The following RECK variants were observed in gnomAD, a reference collection of about 807,000 sequenced individuals.
RECK encodes reversion inducing cysteine rich protein with kazal motifs, also known as reversion-inducing cysteine-rich protein with Kazal motifs.
Under a neutral mutation model 115.1 loss-of-function variants are expected in RECK, and 69 were observed. That is an observed-to-expected ratio of 0.60 (90% confidence interval 0.49 to 0.73). RECK has a LOEUF of 0.73. RECK is among the 30% of genes least tolerant of loss of function. RECK has a pLI of 0.00. For synonymous variants in RECK, 414 were observed against 419.7 expected (o/e 0.99, Z 0.17); for missense variants, 1,047 against 1,203.7 (o/e 0.87, Z 1.93).
At chr9:36,070,633 T>C (rs1054623843) in intron 6 of RECK, among the ~76,000 whole-genome samples, 3 of 152,168 alleles carry the variant, frequency 2.0e-5, no homozygotes, top group Non-Finnish European at 4.4e-5. Context: ...GATAACTTCC[T>C]ATCACTGGAA....
At chr9:36,050,070 ATCT>A (rs1462458662) in intron 1 of RECK, among the ~76,000 whole-genome samples, 1 of 152,102 alleles carries the variant, frequency 6.6e-6, no homozygotes, top group East Asian at 1.9e-4. Flanking sequence ...CAGTTCTCAG[ATCT>A]TGTCCTTCCC....
chr9:36,071,349 T>C (rs1008045766), intron 6 of RECK, among the ~76,000 whole-genome samples: 31 of 152,216 alleles, frequency 2.0e-4, no homozygotes, highest in Non-Finnish European at 3.8e-4. Context: ...TCCCAGAGAC[T>C]GGCAATGGCT....
chr9:36,048,332 G>A (rs949083230), intron 1 of RECK, among the ~76,000 whole-genome samples: 4 of 151,544 alleles, frequency 2.6e-5, no homozygotes, highest in Admixed American at 1.3e-4. Flanking sequence ...GATGATTATC[G>A]CTATAGCCAA....
chr9:36,075,695 T>A (rs1822421766), intron 6 of RECK, among the ~76,000 whole-genome samples: 1 of 152,222 alleles, frequency 6.6e-6, no homozygotes, highest in African/African-American at 2.4e-5. Context: ...AACTTTAAAC[T>A]GGAAGAAATT....
intron 8 of RECK, among the ~76,000 whole-genome samples, chr9:36,087,253 A>C (rs1010718470): frequency 2.0e-5 from 3 of 152,222 alleles, no homozygotes; most frequent in African/African-American, 7.2e-5. Context: ...AATGCCCATC[A>C]GTGACAGACT....
At chr9:36,105,649 G>A (rs538548827) in intron 13 of RECK, among the ~76,000 whole-genome samples, 1 of 151,496 alleles carries the variant, frequency 6.6e-6, no homozygotes, top group South Asian at 2.1e-4. Context: ...TGTAATGTTT[G>A]AAAAAAAATA....
chr9:36,079,653 A>G (rs935168262), intron 6 of RECK, among the ~76,000 whole-genome samples: 35 of 152,316 alleles, frequency 2.3e-4, no homozygotes, highest in Non-Finnish European at 4.1e-4. Flanking sequence ...CCAGCTTGCA[A>G]TATGGCTGCA....
chr9:36,088,974 T>G (rs1313983920), intron 9 of RECK, among the ~76,000 whole-genome samples: 3 of 152,170 alleles, frequency 2.0e-5, no homozygotes, highest in Non-Finnish European at 4.4e-5. Flanking sequence ...TGAGCCGAGA[T>G]TGCGCCACTG....
chr9:36,081,276 T>C lies in RECK; in HGVS notation c.439+638T>C, dbSNP rs116559215. On this transcript the variant is annotated intron_variant, in intron 7 of 20. Coordinates refer to ENST00000377966, the MANE Select transcript of RECK (RefSeq NM_021111.3). The stretch of plus-strand genomic sequence containing the variant: ...TTCTTTAGCTCAGCAGGAAAGTATA[T>C]TGAAGGATAATAAGAAACATTTGCT... Among the ~76,000 whole-genome samples, 1,112 of 152,290 alleles carry C rather than the reference T, an allele frequency of 7.3e-3. 12 individuals are homozygous for C. The highest frequency in any genetic ancestry group is 0.024 in the African/African-American group (991 of 41,560).
At chr9:36,080,732 C>CA in intron 7 of RECK, 94 bp downstream of exon 7, 1 of 1,115,468 alleles carries the variant, frequency 9.0e-7, no homozygotes, top group Non-Finnish European at 1.3e-6. Flanking sequence ...AGGCTCTTTC[C>CA]CATGGTGTAT....
At chr9:36,063,218 C>A (rs111771431) in intron 4 of RECK, among the ~76,000 whole-genome samples, 3,871 of 152,206 alleles carry the variant, frequency 0.025, 171 homozygotes, top group African/African-American at 0.087. Flanking sequence ...TGCTGAACAT[C>A]AATTGAACCA....
At chr9:36,120,214 A>G (rs5023820) in intron 18 of RECK, among the ~76,000 whole-genome samples, 82,149 of 151,306 alleles carry the variant, frequency 0.54, 22,465 homozygotes, top group Middle Eastern at 0.67. Flanking sequence ...TAGCCTGGGC[A>G]ACAGAGCGAG....
At chr9:36,082,188 C>CTCTCTCTCT (rs1401784584) in intron 7 of RECK, among the ~76,000 whole-genome samples, 47 of 146,554 alleles carry the variant, frequency 3.2e-4, no homozygotes, top group South Asian at 6.6e-4. Context: ...CTCTCTCTCT[C>CTCTCTCTCT]CTTTTTTCTT....
rs542503883 is a variant in RECK at position 36,058,659 on chromosome 9, TAATA to T, written c.160-145_160-142del. 5.5e-3 allele frequency among the ~76,000 whole-genome samples: 801 copies of T among 144,728 alleles called. 13 individuals are homozygous for T. The highest frequency in any genetic ancestry group is 0.044 in the South Asian group (202 of 4,578). 94.9% of individuals were successfully genotyped at this position (144,728 alleles called of 152,430 possible). ...CTAAAACTTAAAGTATAATAATAAT[TAATA>T]AATAAATAAATAAATAAATAAAAAT... is the stretch of plus-strand genomic sequence containing the variant. On this transcript the variant is annotated intron_variant, in intron 2 of 20. Transcript: ENST00000377966.
intron 6 of RECK, among the ~76,000 whole-genome samples, chr9:36,080,213 C>T (rs776438800): frequency 6.6e-6 from 1 of 152,196 alleles, no homozygotes; most frequent in African/African-American, 2.4e-5. Flanking sequence ...AAAATCCTTT[C>T]AAATCTAAAA....
At chr9:36,071,108 A>G (rs571601341) in intron 6 of RECK, among the ~76,000 whole-genome samples, 1 of 152,318 alleles carries the variant, frequency 6.6e-6, no homozygotes, top group East Asian at 1.9e-4. Context: ...GAATAGCCAT[A>G]CTTGTGCACA....
At chr9:36,108,210 T>G (rs745439054) in intron 14 of RECK, 46 bp downstream of exon 14, 4 of 1,399,732 alleles carry the variant, frequency 2.9e-6, no homozygotes, top group African/African-American at 1.4e-5. Context: ...GATTAGTTAT[T>G]TTTACTTTGT....
intron 17 of RECK, among the ~76,000 whole-genome samples, chr9:36,118,199 C>T (rs895416880): frequency 6.6e-6 from 1 of 152,142 alleles, no homozygotes; most frequent in African/African-American, 2.4e-5. Flanking sequence ...TCTCAGAGCC[C>T]CTGTGCCATT....
chr9:36,077,162 A>G (rs1229714683), intron 6 of RECK, among the ~76,000 whole-genome samples: 1 of 152,162 alleles, frequency 6.6e-6, no homozygotes, highest in Non-Finnish European at 1.5e-5. Context: ...GAGCAGTTAT[A>G]TGGGGGCACA....
Sources: allele counts gnomAD v4.1 joint callset (sites outside exome capture counted in the v4.1 genomes callset), GRCh38; gene constraint gnomAD v4.1.1; transcripts MANE v1.5; gene names NCBI Gene and HGNC (gene_info 2026-07-23, HGNC 2026-07-21).